The following KCNN2 variants were observed in gnomAD, a reference collection of about 807,000 sequenced individuals.
The protein encoded by KCNN2 is small conductance calcium-activated potassium channel protein 2.
KCNN2 carries 24 observed loss-of-function variants against 55.5 expected under a neutral mutation model. That is an observed-to-expected ratio of 0.43 (90% CI 0.31 to 0.61). The LOEUF is 0.61. Among genes scored for constraint, KCNN2 ranks in the 20% least tolerant of loss-of-function variants. The pLI is 0.08. For missense variants in KCNN2, 754 were observed against 853.6 expected (o/e 0.88, Z 1.45); for synonymous variants, 431 against 336.1 (o/e 1.28, Z -3.09).
At chr5:114,252,740 A>C (rs1754894177) in intron 2 of KCNN2, among the ~76,000 whole-genome samples, 1 of 150,276 alleles carries the variant, frequency 6.7e-6, no homozygotes, top group Non-Finnish European at 1.5e-5. Flanking sequence ...TCATTCTGAG[A>C]AAGTTTGGTG....
At chr5:114,274,706 CTT>C (rs1003446918) in intron 2 of KCNN2, among the ~76,000 whole-genome samples, 8 of 152,044 alleles carry the variant, frequency 5.3e-5, no homozygotes, top group Admixed American at 2.0e-4. Context: ...ACTTTGCTGA[CTT>C]TGCGTATCAG....
At chr5:114,272,278 C>CAT (rs752066584) in intron 2 of KCNN2, among the ~76,000 whole-genome samples, 1 of 53,556 alleles carries the variant, frequency 1.9e-5, no homozygotes, top group South Asian at 6.4e-4. Context: ...ATGTACATAT[C>CAT]ACACACACAT....
At chr5:114,153,314 A>T (rs1752563976) in intron 1 of KCNN2, among the ~76,000 whole-genome samples, 4 of 151,962 alleles carry the variant, frequency 2.6e-5, no homozygotes, top group Admixed American at 1.3e-4. Flanking sequence ...CTTTGTTCTC[A>T]CTCCAGTAGG....
chr5:114,142,124 T>C (rs1264683993), intron 1 of KCNN2, among the ~76,000 whole-genome samples: 1 of 152,206 alleles, frequency 6.6e-6, no homozygotes, highest in Non-Finnish European at 1.5e-5. Flanking sequence ...GTGCAGAAGC[T>C]GTTTAGTTTA....
chr5:114,264,765 G>A (rs763108474), intron 2 of KCNN2, among the ~76,000 whole-genome samples: 4 of 152,144 alleles, frequency 2.6e-5, no homozygotes, highest in Non-Finnish European at 5.9e-5. Flanking sequence ...GAATCCTCAC[G>A]AATGCCCCCC....
intron 5 of KCNN2, among the ~76,000 whole-genome samples, chr5:114,476,020 C>A (rs1761947893): frequency 6.6e-6 from 1 of 151,940 alleles, no homozygotes; most frequent in African/African-American, 2.4e-5. Context: ...TTTAATAATT[C>A]TGTTATTTCA....
chr5:114,241,863 C>G (rs12153188), intron 2 of KCNN2, among the ~76,000 whole-genome samples: 26,147 of 86,922 alleles, frequency 0.3, 6,451 homozygotes, highest in East Asian at 0.74. Flanking sequence ...GAAGGACCAC[C>G]AAAATTAGAC....
intron 2 of KCNN2, among the ~76,000 whole-genome samples, chr5:114,330,527 TG>T (rs910701812): frequency 6.6e-6 from 1 of 152,120 alleles, no homozygotes; most frequent in South Asian, 2.1e-4. Context: ...CATCATTTTT[TG>T]GGGGGGCTTA....
At chr5:114,194,723 G>A (rs890769026) in intron 1 of KCNN2, among the ~76,000 whole-genome samples, 1 of 151,762 alleles carries the variant, frequency 6.6e-6, no homozygotes, top group Non-Finnish European at 1.5e-5. Flanking sequence ...CTTGTCACTT[G>A]TGCTTTTAGT....
intron 1 of KCNN2, among the ~76,000 whole-genome samples, chr5:114,126,036 T>C (rs564084228): frequency 6.6e-6 from 1 of 152,154 alleles, no homozygotes; most frequent in Admixed American, 6.5e-5. Flanking sequence ...TTGGCATTCC[T>C]TGGGTTATAC....
chr5:114,376,536 G>A (rs1429957546), intron 2 of KCNN2, among the ~76,000 whole-genome samples: 1 of 152,236 alleles, frequency 6.6e-6, no homozygotes, highest in Non-Finnish European at 1.5e-5. Context: ...TAGGGAGGCT[G>A]ATGGTGAGAA....
intron 1 of KCNN2, chr5:114,056,579 G>A (rs998003655): frequency 2.1e-4 from 83 of 395,376 alleles, no homozygotes; most frequent in African/African-American, 1.7e-3. Context: ...GGATACTAAA[G>A]TGAAGTTTGC....
At chr5:114,450,285 T>C (rs1375289799) in intron 3 of KCNN2, among the ~76,000 whole-genome samples, 4 of 152,160 alleles carry the variant, frequency 2.6e-5, no homozygotes, top group African/African-American at 9.7e-5. Flanking sequence ...GTTTTTTGGG[T>C]AAGGGAATCT....
intron 2 of KCNN2, among the ~76,000 whole-genome samples, chr5:114,366,704 C>T (rs574925333): frequency 2.6e-5 from 4 of 152,264 alleles, no homozygotes; most frequent in Middle Eastern, 3.4e-3. Context: ...AATTGCCCCC[C>T]GCCCTCCTTT....
At chr5:114,454,428 T>C (rs1760828288) in intron 3 of KCNN2, among the ~76,000 whole-genome samples, 1 of 152,196 alleles carries the variant, frequency 6.6e-6, no homozygotes, top group Non-Finnish European at 1.5e-5. Flanking sequence ...TACTGTTTGA[T>C]GACAATCACT....
intron 2 of KCNN2, among the ~76,000 whole-genome samples, chr5:114,332,734 C>G (rs1217664548): frequency 6.6e-6 from 1 of 152,124 alleles, no homozygotes; most frequent in East Asian, 1.9e-4. Context: ...AGGGTGAGGA[C>G]ATCAGCTGAA....
intron 5 of KCNN2, among the ~76,000 whole-genome samples, chr5:114,477,198 A>C (rs1016338071): frequency 6.6e-6 from 1 of 152,178 alleles, no homozygotes; most frequent in Non-Finnish European, 1.5e-5. Flanking sequence ...ATGTTCTGAA[A>C]TCTGAATATG....
intron 1 of KCNN2, chr5:114,056,623 C>T (rs1170643915): frequency 1.8e-5 from 7 of 391,426 alleles, no homozygotes; most frequent in Non-Finnish European, 3.1e-5. Flanking sequence ...CTCTTGCTTA[C>T]TTTTCTCCAG....
chr5:114,437,884 T>A (rs1302399635), intron 3 of KCNN2, among the ~76,000 whole-genome samples: 1 of 152,160 alleles, frequency 6.6e-6, no homozygotes, highest in East Asian at 1.9e-4. Context: ...TTCTAAACTT[T>A]CTTTCTTAGT....
Sources: gnomAD v4.1 joint callset for allele counts (sites outside exome capture counted in the v4.1 genomes callset) on GRCh38, gnomAD v4.1.1 for gene constraint, MANE v1.5 for transcripts, NCBI Gene and HGNC (gene_info 2026-07-23, HGNC 2026-07-21) for gene names.